DPYD: variants seen among roughly 807,000 people sequenced by gnomAD.
The protein encoded by DPYD is dihydropyrimidine dehydrogenase.
Under a neutral mutation model 116.2 loss-of-function variants are expected in DPYD, and 109 were observed. The ratio of observed to expected loss-of-function variants is 0.94; its 90% CI spans 0.80 to 1.10. The LOEUF is 1.10. Among genes scored for constraint, DPYD ranks in the 50% least tolerant of loss-of-function variants. The probability of loss-of-function intolerance (pLI) is 0.00; values close to 1 mark genes in which losing one functional copy is unlikely to be tolerated. For missense variants in DPYD, 1,302 were observed against 1,254.5 expected (o/e 1.04, Z -0.57); for synonymous variants, 440 against 432.0 (o/e 1.02, Z -0.23).
chr1:97,620,463 C>G (rs146132226), intron 8 of DPYD, among the ~76,000 whole-genome samples: 1 of 152,112 alleles, frequency 6.6e-6, no homozygotes, highest in Non-Finnish European at 1.5e-5. Flanking sequence ...TGATCCTCCC[C>G]GCTTGGCTTC....
intron 13 of DPYD, among the ~76,000 whole-genome samples, chr1:97,503,082 A>C (rs537497650): frequency 1.3e-5 from 2 of 152,170 alleles, no homozygotes; most frequent in African/African-American, 4.8e-5. Context: ...TTTAAAACTT[A>C]AGAGTATATT....
chr1:97,457,551 T>C (rs563013843), intron 13 of DPYD, among the ~76,000 whole-genome samples: 331 of 152,176 alleles, frequency 2.2e-3, no homozygotes, highest in Non-Finnish European at 2.9e-3. Flanking sequence ...CACAGAGAAG[T>C]TGTAGGATAG....
chr1:97,270,291 A>G (rs754336178), intron 18 of DPYD, among the ~76,000 whole-genome samples: 1 of 152,228 alleles, frequency 6.6e-6, no homozygotes, highest in African/African-American at 2.4e-5. Context: ...GAGAGGCATC[A>G]TAATATTCCA....
intron 20 of DPYD, among the ~76,000 whole-genome samples, chr1:97,171,368 A>G: frequency 6.6e-6 from 1 of 152,202 alleles, no homozygotes; most frequent in East Asian, 1.9e-4. Context: ...GAAAGAGGTA[A>G]AACGTTCAAC....
chr1:97,097,017 A>G (rs1650306484), intron 21 of DPYD, among the ~76,000 whole-genome samples: 1 of 152,180 alleles, frequency 6.6e-6, no homozygotes, highest in Non-Finnish European at 1.5e-5. Flanking sequence ...TATAGTAGTC[A>G]TAGCCACACA....
intron 8 of DPYD, among the ~76,000 whole-genome samples, chr1:97,638,565 A>G (rs1657699671): frequency 6.6e-6 from 1 of 152,172 alleles, no homozygotes; most frequent in Non-Finnish European, 1.5e-5. Flanking sequence ...GACTTAGTCC[A>G]TTTTGCATTG....
intron 12 of DPYD, among the ~76,000 whole-genome samples, chr1:97,541,447 G>A (rs368179204): frequency 1.2e-4 from 18 of 152,246 alleles, no homozygotes; most frequent in East Asian, 3.9e-4. Context: ...TATGATTCTC[G>A]AAGGTCTTGT....
intron 4 of DPYD, among the ~76,000 whole-genome samples, chr1:97,729,872 C>T (rs917164353): frequency 2.0e-5 from 3 of 152,112 alleles, no homozygotes; most frequent in Admixed American, 1.3e-4. Context: ...TTTTGGTAAG[C>T]ACTAGATATG....
At chr1:97,767,466 C>T (rs1363634003) in intron 3 of DPYD, among the ~76,000 whole-genome samples, 4 of 125,314 alleles carry the variant, frequency 3.2e-5, no homozygotes, top group African/African-American at 1.1e-4. Flanking sequence ...TCATTCTGAA[C>T]CTCAGCCTCA....
intron 8 of DPYD, among the ~76,000 whole-genome samples, chr1:97,646,320 T>A (rs1658255876): frequency 7.1e-6 from 1 of 141,650 alleles, no homozygotes; most frequent in Non-Finnish European, 1.5e-5. Flanking sequence ...CTTCTTTTTA[T>A]TTTTTTTTTC....
At chr1:97,212,313 TAACA>T (rs1464636662) in intron 19 of DPYD, among the ~76,000 whole-genome samples, 6 of 152,172 alleles carry the variant, frequency 3.9e-5, no homozygotes, top group African/African-American at 1.4e-4. Context: ...AATTTTATAA[TAACA>T]AATATTAGTA....
chr1:97,090,037 C>G (rs1028285692), intron 21 of DPYD, among the ~76,000 whole-genome samples: 1 of 151,848 alleles, frequency 6.6e-6, no homozygotes. Context: ...TTTATAAAAC[C>G]CAGTTATTTT....
chr1:97,864,225 A>G (rs184854790), intron 2 of DPYD, among the ~76,000 whole-genome samples: 14 of 152,076 alleles, frequency 9.2e-5, no homozygotes, highest in Non-Finnish European at 1.9e-4. Context: ...ATAAGCCCTC[A>G]ACAGAGATTG....
intron 3 of DPYD, among the ~76,000 whole-genome samples, chr1:97,806,723 A>C (rs1218818456): frequency 6.6e-6 from 1 of 151,878 alleles, no homozygotes; most frequent in Non-Finnish European, 1.5e-5. Flanking sequence ...TGTATATCCT[A>C]AGGCCTTTGA....
chr1:97,498,685 A>G (rs1679408544), intron 13 of DPYD, among the ~76,000 whole-genome samples: 1 of 151,696 alleles, frequency 6.6e-6, no homozygotes, highest in Admixed American at 6.6e-5. Context: ...ATAGTTGCAT[A>G]TATTTATGGT....
At chr1:97,163,833 A>C (rs1656108285) in intron 20 of DPYD, among the ~76,000 whole-genome samples, 1 of 152,210 alleles carries the variant, frequency 6.6e-6, no homozygotes, top group South Asian at 2.1e-4. Flanking sequence ...TCAGTTTTAC[A>C]GGGGATGTGG....
chr1:97,261,309 T>C (rs973447126), intron 18 of DPYD, among the ~76,000 whole-genome samples: 1 of 151,934 alleles, frequency 6.6e-6, no homozygotes, highest in Admixed American at 6.6e-5. Flanking sequence ...CCTTTAACTT[T>C]AGAATACATT....
At chr1:97,176,888 G>GTGTGTGTGTC (rs1207256266) in intron 20 of DPYD, among the ~76,000 whole-genome samples, 1 of 131,082 alleles carries the variant, frequency 7.6e-6, no homozygotes, top group Admixed American at 7.3e-5. Context: ...GTGTGTGTGT[G>GTGTGTGTGTC]TGTGTGTGTA....
rs188152097 is a variant in DPYD at position 97,730,273 on chromosome 1, G to A, written c.322-8602C>T. 4.6e-5 allele frequency among the ~76,000 whole-genome samples: 7 copies of A among 152,216 alleles called. No individual in the cohort carries two copies. The East Asian group carries it at 9.6e-4, about 21-fold the overall frequency. On this transcript the variant is annotated intron_variant, in intron 4 of 22. Coordinates refer to ENST00000370192, the MANE Select transcript of DPYD (RefSeq NM_000110.4). ...GTCTGGCTCTGTCACCCAGGCTGGA[G>A]TGCAGTGGCGATATCTTGGCTCACT...
Sources: allele counts gnomAD v4.1 joint callset (sites outside exome capture counted in the v4.1 genomes callset), GRCh38; gene constraint gnomAD v4.1.1; transcripts MANE v1.5; gene names NCBI Gene and HGNC (gene_info 2026-07-23, HGNC 2026-07-21).